The following C14orf93 variants were observed in gnomAD, a reference collection of about 807,000 sequenced individuals.
C14orf93 encodes the protein uncharacterized protein C14orf93.
Under a neutral mutation model 44.0 loss-of-function variants are expected in C14orf93, and 23 were observed. The ratio of observed to expected loss-of-function variants is 0.52; its 90% CI spans 0.38 to 0.74. The LOEUF is 0.74. Among genes scored for constraint, C14orf93 ranks in the 30% least tolerant of loss-of-function variants. C14orf93 has a pLI of 0.00. For missense variants in C14orf93, 579 were observed against 678.9 expected (o/e 0.85, Z 1.64); for synonymous variants, 253 against 265.7 (o/e 0.95, Z 0.46).
intron 3 of C14orf93, among the ~76,000 whole-genome samples, chr14:22,995,701 AAAG>A (rs2045932635): frequency 6.6e-6 from 1 of 151,226 alleles, no homozygotes; most frequent in Non-Finnish European, 1.5e-5. Context: ...AAAAAAAAAA[AAAG>A]AACACCAGGA....
In C14orf93 at chr14:23,001,329, GC is replaced by G. The variant is rs1250184033; in HGVS notation, c.-379-1928del. Among the ~76,000 whole-genome samples the G allele has an allele frequency of 5.3e-5, 8 of 152,332 alleles. No homozygotes were observed. In the East Asian group the frequency reaches 1.5e-3, roughly 29 times the overall value. On this transcript the variant is annotated intron_variant, in intron 1 of 6. Transcript: ENST00000299088. ...AAAATCAGTAATTAAGATGCATCCGGCTGGGACACTGGCTGAGTTGTCTAAC... is the reference window on the plus strand; with the variant it reads ...AAAATCAGTAATTAAGATGCATCCGGTGGGACACTGGCTGAGTTGTCTAAC...
intron 3 of C14orf93, among the ~76,000 whole-genome samples, chr14:22,995,284 C>T (rs2045899793): frequency 6.6e-6 from 1 of 152,224 alleles, no homozygotes; most frequent in South Asian, 2.1e-4. Context: ...TGCCCCTTGT[C>T]ACTTACTCTG....
chr14:22,998,247 G>A, intron 2 of C14orf93, 180 bp downstream of exon 2: 6 of 931,606 alleles, frequency 6.4e-6, no homozygotes, highest in Non-Finnish European at 9.0e-6. Context: ...CAAAGAAGCT[G>A]ATGGTTCAGG....
intron 3 of C14orf93, 70 bp downstream of exon 3, chr14:22,995,878 C>A: frequency 2.1e-6 from 3 of 1,430,990 alleles, no homozygotes; most frequent in Non-Finnish European, 1.9e-6. Context: ...GGCCTAAAAT[C>A]AACCCACCCA....
chr14:23,001,923 C>T (rs1336050595), intron 1 of C14orf93, among the ~76,000 whole-genome samples: 1 of 143,604 alleles, frequency 7.0e-6, no homozygotes, highest in Admixed American at 7.0e-5. Flanking sequence ...CCGAGGCCGG[C>T]GAATCACGAG....
chr14:23,003,882 ATATATATATATATATATTTTTTTTTTTT>A lies in C14orf93; in HGVS notation c.-379-4508_-379-4481del, dbSNP rs1219848886. ...CATATATATATATATATATATATAT[ATATATATATATATATATTTTTTTTTTTT>A]TTTTTTTTTTTTTTTTTGAGACAGA... On this transcript the variant is annotated intron_variant, in intron 1 of 6. Transcript: ENST00000299088. 4.9e-4 allele frequency among the ~76,000 whole-genome samples: 7 copies of A among 14,306 alleles called. 1 individual carries two copies. The highest frequency in any genetic ancestry group is 1.0e-3 in the African/African-American group (3 of 2,924). 9.4% of individuals were successfully genotyped at this position (14,306 alleles called of 152,430 possible).
rs2046157647 is a variant in C14orf93 at position 22,998,946 on chromosome 14, A to C, written c.78T>G (p.Ser26Arg). The part of the protein sequence containing the change: ...EARCCCCACK[S>R]ETNGGNTGSQ... Reference sequence around the variant, plus strand: ...AGCCTGTGTTGCCTCCATTAGTCTCACTCTTACAGGCGCAGCAGCAGCATC... The same window carrying C: ...AGCCTGTGTTGCCTCCATTAGTCTCCCTCTTACAGGCGCAGCAGCAGCATC... The change falls in exon 2 of 7, where the codon AGT becomes AGG. Residue 26 changes from serine to arginine, a missense_variant. By Grantham distance (110) the Ser-to-Arg change is moderately radical (BLOSUM62 -1). Transcript: ENST00000299088. 3.1e-6 allele frequency: 5 copies of C among 1,613,704 alleles called. No homozygotes were observed. In the South Asian group the frequency reaches 5.5e-5, roughly 18 times the overall value.
intron 1 of C14orf93, among the ~76,000 whole-genome samples, chr14:23,004,313 C>A (rs2046518835): frequency 6.6e-6 from 1 of 151,590 alleles, no homozygotes; most frequent in African/African-American, 2.4e-5. Flanking sequence ...CAGGTTCAAG[C>A]GATTCTTCTG....
At chr14:23,008,880 G>A (rs2139858965) in intron 1 of C14orf93, among the ~76,000 whole-genome samples, 1 of 152,250 alleles carries the variant, frequency 6.6e-6, no homozygotes, top group African/African-American at 2.4e-5. Context: ...CCATCACCAT[G>A]AACAGTTTTT....
intron 1 of C14orf93, among the ~76,000 whole-genome samples, chr14:23,004,643 G>A (rs1269215015): frequency 6.6e-6 from 1 of 152,190 alleles, no homozygotes; most frequent in Non-Finnish European, 1.5e-5. Context: ...TTGAGGCCAG[G>A]TGCAGTGGCT....
At chr14:23,005,314 CCAG>C (rs1231386723) in intron 1 of C14orf93, 1 of 152,164 alleles carries the variant, frequency 6.6e-6, no homozygotes, top group Non-Finnish European at 1.5e-5. Context: ...ACCACCACCA[CCAG>C]AATGACAGAA....
rs750473570 is a variant in C14orf93, at chr14:22,990,150, C to T, written c.919-23G>A. 6.9e-6 allele frequency: 11 copies of T among 1,600,038 alleles called. No homozygotes were observed. The Admixed American group carries it at 1.8e-4, about 27-fold the overall frequency. On this transcript the variant is annotated intron_variant, in intron 3 of 6. Coordinates refer to ENST00000299088, the MANE Select transcript of C14orf93 (RefSeq NM_021944.4). ...TTTCTAGGAGGAAAAAAAGAAAACA[C>T]AATCAAGCCAAGAGTGGATGTTATG... is the stretch of plus-strand genomic sequence containing the variant.
Position 22,996,372 on chromosome 14 carries a change from G to C in C14orf93, c.598-104C>G. 1 of 1,144,328 alleles carries C rather than the reference G, an allele frequency of 8.7e-7. No homozygotes were observed. The highest frequency in any genetic ancestry group is 1.2e-6 in the Non-Finnish European group (1 of 825,688). The allele number at this position is 1,144,328 out of a possible 1,614,324, so 70.9% of individuals were successfully genotyped here. A position where few individuals can be genotyped will look rare whatever the true frequency, so the allele number is the denominator to read the frequency against. ...ATAGTGAACAGAAAGTGGAAAGAAG[G>C]GGAACTCTAGCACAGTCTTTAATGG... is the stretch of plus-strand genomic sequence containing the variant. On this transcript the variant is annotated intron_variant, in intron 2 of 6. Coordinates refer to ENST00000299088, the MANE Select transcript of C14orf93 (RefSeq NM_021944.4). The surrounding 1 kb of genome is among the most constrained non-coding windows in gnomAD (Gnocchi z 4.1).
At position 22,995,965 on chromosome 14, in the gene C14orf93, G is replaced by C. The variant is rs771658477; in HGVS notation, c.901C>G (p.Arg301Gly). Residue 301 changes from arginine to glycine, a missense_variant, in exon 3 of 7, where the codon CGG (arginine) becomes GGG (glycine). Transcript: ENST00000299088. Reference sequence around the variant, plus strand: ...TCACTCACAGAGAGTACAAGATCCCGCTTGCGCCTGGAGTTCTTCTGCCCA... The same window carrying C: ...TCACTCACAGAGAGTACAAGATCCCCCTTGCGCCTGGAGTTCTTCTGCCCA... ...GSGQKNSRRK[R>G]DLVLSKLVHN... 1.3e-6 allele frequency: 2 copies of C among 1,597,896 alleles called. No homozygotes were observed. The highest frequency in any genetic ancestry group is 1.7e-6 in the Non-Finnish European group (2 of 1,169,476).
At chr14:22,990,473 TC>T (rs1384318502) in intron 3 of C14orf93, among the ~76,000 whole-genome samples, 2 of 147,864 alleles carry the variant, frequency 1.4e-5, no homozygotes, top group African/African-American at 2.5e-5. Context: ...TACTTTTCTT[TC>T]TTTTTTTTTT....
At chr14:23,003,877 TATATATATATATA>T (rs2046447156) in intron 1 of C14orf93, among the ~76,000 whole-genome samples, 19 of 14,908 alleles carry the variant, frequency 1.3e-3, no homozygotes, top group Middle Eastern at 9.4e-3. Context: ...TATATATATA[TATATATATATATA>T]TATATATATT....
chr14:22,987,554 C>G lies in C14orf93; in HGVS notation c.1278G>C (p.Leu426=), dbSNP rs765502744. Residue 426 remains leucine, a synonymous_variant, in exon 7 of 7, where the codon CTG becomes CTC. Coordinates refer to ENST00000299088, the MANE Select transcript of C14orf93 (RefSeq NM_021944.4). The surrounding 1 kb of genome is among the most constrained non-coding windows in gnomAD (Gnocchi z 5.6). ...QRLWNDVTEE[L]MSDEEDSLNE... Reference sequence around the variant, plus strand: ...TAAGACTGTCCTCTTCATCTGACATCAGTTCCTCTGTCACATCATTCCACA... The same window carrying G: ...TAAGACTGTCCTCTTCATCTGACATGAGTTCCTCTGTCACATCATTCCACA... 6.2e-7 allele frequency: 1 copy of G among 1,614,162 alleles called. No homozygotes were observed. Among genetic ancestry groups the G allele is most frequent in the Non-Finnish European group, 8.5e-7 (1 of 1,180,022 alleles).
intron 1 of C14orf93, among the ~76,000 whole-genome samples, chr14:23,000,696 C>G (rs181019074): frequency 8.2e-6 from 1 of 122,510 alleles, no homozygotes; most frequent in African/African-American, 3.3e-5. Flanking sequence ...AGCCTGGCAA[C>G]AGGGCGAGAC....
In C14orf93 at chr14:22,989,837, G is replaced by A. The variant is rs765164391; in HGVS notation, c.989C>T (p.Ser330Phe). Residue 330 changes from serine to phenylalanine, a missense_variant, in exon 5 of 7, where the codon TCC (serine) becomes TTC (phenylalanine). By Grantham distance (155) the Ser-to-Phe change is radical (BLOSUM62 -2). Transcript: ENST00000299088. ...KRFNGSESIK[S>F]SWNISVVKFL... is the part of the protein sequence containing the mutation. ...CTTCACTACTGAAATATTCCAAGAG[G>A]ACTTGATGCTGCCACAAAGAGAAGA... 3.1e-6 allele frequency: 5 copies of A among 1,613,500 alleles called. No homozygotes were observed. Among genetic ancestry groups the A allele is most frequent in the Non-Finnish European group, 3.4e-6 (4 of 1,179,552 alleles).
Sources: allele counts gnomAD v4.1 joint callset (sites outside exome capture counted in the v4.1 genomes callset), GRCh38; gene constraint gnomAD v4.1.1; non-coding constraint Gnocchi (gnomAD v3.1); transcripts MANE v1.5; gene names NCBI Gene and HGNC (gene_info 2026-07-23, HGNC 2026-07-21).